The following PRPSAP1 variants were observed in gnomAD, a reference collection of about 807,000 sequenced individuals.
PRPSAP1 encodes the protein phosphoribosyl pyrophosphate synthase-associated protein 1.
Under a neutral mutation model 39.4 loss-of-function variants are expected in PRPSAP1, and 31 were observed. That is an observed-to-expected ratio of 0.79 (90% confidence interval 0.59 to 1.06). PRPSAP1 has a LOEUF of 1.06. PRPSAP1 is among the 50% of genes least tolerant of loss of function. The pLI is 0.00. For synonymous variants in PRPSAP1, 212 were observed against 192.6 expected (o/e 1.10, Z -0.83); for missense variants, 430 against 511.6 (o/e 0.84, Z 1.54).
intron 8 of PRPSAP1, 127 bp from the exon 9 acceptor site, chr17:76,313,143 G>C: frequency 1.6e-6 from 2 of 1,245,814 alleles, no homozygotes; most frequent in African/African-American, 3.0e-5. Context: ...TCAGAGCTGT[G>C]TGCCTGGGTC....
chr17:76,348,849 T>C (rs957025132), intron 1 of PRPSAP1, among the ~76,000 whole-genome samples: 1 of 152,208 alleles, frequency 6.6e-6, no homozygotes, highest in Non-Finnish European at 1.5e-5. Context: ...AGTAATTTTC[T>C]TGGAAAATCA....
chr17:76,320,299 A>G (rs959831218), intron 7 of PRPSAP1, among the ~76,000 whole-genome samples: 2 of 35,488 alleles, frequency 5.6e-5, no homozygotes, highest in Non-Finnish European at 9.5e-5. Context: ...AGAAAGAAAG[A>G]AAAGAAAGGA....
At chr17:76,324,230 G>A (rs562458935) in intron 7 of PRPSAP1, among the ~76,000 whole-genome samples, 1 of 152,150 alleles carries the variant, frequency 6.6e-6, no homozygotes, top group African/African-American at 2.4e-5. Flanking sequence ...ATCATTGGGT[G>A]TTCACGCTTA....
Position 76,330,678 on chromosome 17 carries a change from A to G in PRPSAP1, c.464-12T>C, listed in dbSNP as rs1486257298. Reference sequence around the variant, plus strand: ...AATGTGAGTTAAACCTGAAATTTTAAAACAAAAAATTACAAAGTTCACCCC... The same window carrying G: ...AATGTGAGTTAAACCTGAAATTTTAGAACAAAAAATTACAAAGTTCACCCC... On this transcript the variant is annotated splice_polypyrimidine_tract_variant and intron_variant, in intron 4 of 9. Coordinates refer to ENST00000446526, the MANE Select transcript of PRPSAP1 (RefSeq NM_002766.3). The G allele has an allele frequency of 1.9e-6, 3 of 1,570,682 alleles. No individual in the cohort carries two copies. Among genetic ancestry groups the G allele is most frequent in the Admixed American group, 3.5e-5 (2 of 57,948 alleles).
chr17:76,332,937 T>C (rs905610472), intron 3 of PRPSAP1, among the ~76,000 whole-genome samples: 4 of 151,048 alleles, frequency 2.6e-5, no homozygotes, highest in African/African-American at 7.3e-5. Context: ...GTCGCCCAGG[T>C]TGGAGTGCAG....
chr17:76,322,526 CT>C (rs544225003), intron 7 of PRPSAP1, among the ~76,000 whole-genome samples: 279 of 152,278 alleles, frequency 1.8e-3, no homozygotes, highest in Non-Finnish European at 3.3e-3. Flanking sequence ...GTAATTTCAA[CT>C]TCCAAGTCTT....
chr17:76,327,470 T>A (rs925244770), intron 7 of PRPSAP1, among the ~76,000 whole-genome samples: 2 of 151,966 alleles, frequency 1.3e-5, no homozygotes, highest in Non-Finnish European at 2.9e-5. Flanking sequence ...CTGGCCAACA[T>A]GGTGAAAGCT....
At chr17:76,347,484 C>CAAAAAA (rs71161289) in intron 2 of PRPSAP1, among the ~76,000 whole-genome samples, 32 of 25,220 alleles carry the variant, frequency 1.3e-3, no homozygotes, top group East Asian at 4.0e-3. Context: ...AAGACTCCGT[C>CAAAAAA]AAAAAAAAAA....
chr17:76,321,670 C>T (rs1208724376), intron 7 of PRPSAP1, among the ~76,000 whole-genome samples: 1 of 152,112 alleles, frequency 6.6e-6, no homozygotes, highest in Non-Finnish European at 1.5e-5. Flanking sequence ...CTACAATGGC[C>T]TCTAAGTGTT....
intron 3 of PRPSAP1, among the ~76,000 whole-genome samples, chr17:76,334,447 G>T (rs1209028365): frequency 6.6e-6 from 1 of 152,196 alleles, no homozygotes; most frequent in African/African-American, 2.4e-5. Flanking sequence ...TTTCCTTCCA[G>T]TCTCTTCCAA....
chr17:76,341,799 C>T (rs904742478), intron 3 of PRPSAP1, among the ~76,000 whole-genome samples: 15 of 152,002 alleles, frequency 9.9e-5, no homozygotes, highest in Admixed American at 7.2e-4. Context: ...ATTAGCCGGG[C>T]GTGGTGGTGG....
At chr17:76,345,878 A>T (rs1598541727) in intron 2 of PRPSAP1, 1 of 415,500 alleles carries the variant, frequency 2.4e-6, no homozygotes, top group East Asian at 6.8e-5. Context: ...AAGGGAGATG[A>T]GGCCAAGGTG....
chr17:76,351,188 C>T (rs1204974789), intron 1 of PRPSAP1, among the ~76,000 whole-genome samples: 6 of 151,890 alleles, frequency 4.0e-5, no homozygotes, highest in South Asian at 2.1e-4. Flanking sequence ...GCCTGGCCAA[C>T]GTGGTGAAAC....
intron 2 of PRPSAP1, among the ~76,000 whole-genome samples, chr17:76,345,183 C>T (rs1377277527): frequency 8.2e-5 from 12 of 145,922 alleles, no homozygotes; most frequent in African/African-American, 2.3e-4. Flanking sequence ...TGCAGTGAGC[C>T]GAGATCGCGC....
rs866165981 is a variant in PRPSAP1, at chr17:76,353,591, C to G, written c.113G>C (p.Arg38Pro). The G allele has an allele frequency of 1.3e-6, 2 of 1,561,612 alleles. No individual in the cohort carries two copies. Among genetic ancestry groups the G allele is most frequent in the African/African-American group, 1.4e-5 (1 of 71,120 alleles). ...GGCCGTGGAGTTGGCCGAGAAGACT[C>G]GGTAGCCGGTGCGAGCGGCGTTCAT... The part of the protein sequence containing the change: ...PAMNAARTGY[R>P]VFSANSTAAC... The change falls in exon 1 of 10, where the codon CGA (arginine) becomes CCA (proline). Residue 38 changes from arginine (R) to proline (P), a missense_variant. Around this residue, in one of 2 missense-constraint regions of PRPSAP1, gnomAD observed 152 missense variants for 135.2 expected, o/e 1.12. Coordinates refer to ENST00000446526, the MANE Select transcript of PRPSAP1 (RefSeq NM_002766.3).
intron 7 of PRPSAP1, among the ~76,000 whole-genome samples, chr17:76,324,687 G>A (rs890149128): frequency 7.2e-5 from 11 of 152,000 alleles, no homozygotes; most frequent in Non-Finnish European, 1.2e-4. Flanking sequence ...GGCAAACTTC[G>A]TTGTTTTAAG....
At chr17:76,342,972 C>T (rs771769480) in intron 3 of PRPSAP1, among the ~76,000 whole-genome samples, 1 of 151,540 alleles carries the variant, frequency 6.6e-6, no homozygotes, top group Admixed American at 6.6e-5. Context: ...CCCAGATACT[C>T]GGGAGGCTGA....
chr17:76,353,901 C>G lies in PRPSAP1; in HGVS notation c.-198G>C. ...GCCTTCGCAGCGCCCGGCGCCGCCG[C>G]CTCAGAGCCAGAGGCAAGGCCACCG... On this transcript the variant is annotated 5_prime_UTR_variant, in exon 1 of 10. Coordinates refer to ENST00000446526, the MANE Select transcript of PRPSAP1 (RefSeq NM_002766.3). 4 of 1,331,058 alleles carry G rather than the reference C, an allele frequency of 3.0e-6. No individual in the cohort carries two copies. The South Asian group carries it at 8.0e-5, about 27-fold the overall frequency. 82.5% of individuals were successfully genotyped at this position (1,331,058 alleles called of 1,614,324 possible).
intron 3 of PRPSAP1, among the ~76,000 whole-genome samples, chr17:76,335,684 G>C (rs1435331973): frequency 6.6e-6 from 1 of 152,096 alleles, no homozygotes; most frequent in East Asian, 1.9e-4. Flanking sequence ...AGCTGGCTTT[G>C]TCATAGACAA....
Sources: gnomAD v4.1 joint callset for allele counts (sites outside exome capture counted in the v4.1 genomes callset) on GRCh38, gnomAD v4.1.1 for gene constraint, gnomAD v4.1.1 regional missense constraint, MANE v1.5 for transcripts, NCBI Gene and HGNC (gene_info 2026-07-23, HGNC 2026-07-21) for gene names.